The following AAK1 variants were observed in gnomAD, a reference collection of about 807,000 sequenced individuals.
The protein encoded by AAK1 is AP2 associated kinase 1.
AAK1 carries 37 observed loss-of-function variants against 116.0 expected under a neutral mutation model. The observed-to-expected ratio is 0.32, with a 90% CI of 0.25 to 0.42. The LOEUF (loss-of-function observed/expected upper bound fraction) is 0.42, where lower values mean the gene tolerates loss of function less well. AAK1 is among the 10% of genes least tolerant of loss of function. The pLI is 1.00. For missense variants in AAK1, 919 were observed against 1,170.6 expected (o/e 0.79, Z 3.14); for synonymous variants, 458 against 439.9 (o/e 1.04, Z -0.51).
chr2:69,604,145 C>T (rs1673696912), intron 2 of AAK1, among the ~76,000 whole-genome samples: 1 of 152,204 alleles, frequency 6.6e-6, no homozygotes, highest in East Asian at 1.9e-4. Context: ...TTCATAGAAA[C>T]AAAAGCTGCC....
intron 16 of AAK1, among the ~76,000 whole-genome samples, chr2:69,497,295 CTTTT>C (rs1176401016): frequency 3.9e-5 from 3 of 76,082 alleles, no homozygotes; most frequent in Admixed American, 3.8e-4. Context: ...CATTATCATT[CTTTT>C]TTTTTTTTTT....
intron 12 of AAK1, among the ~76,000 whole-genome samples, chr2:69,518,652 C>T (rs1019317707): frequency 7.9e-5 from 12 of 151,940 alleles, no homozygotes; most frequent in Non-Finnish European, 1.6e-4. Flanking sequence ...CTCTTGACCT[C>T]GTGATCCACC....
At chr2:69,598,254 C>A in intron 2 of AAK1, 2 of 430,806 alleles carry the variant, frequency 4.6e-6, no homozygotes, top group Non-Finnish European at 4.0e-6. Flanking sequence ...AGAAGTTTTT[C>A]ACAGGTTATC....
At chr2:69,642,834 T>C in intron 2 of AAK1, 44 bp downstream of exon 2, 1 of 1,612,242 alleles carries the variant, frequency 6.2e-7, no homozygotes, top group Non-Finnish European at 8.5e-7. Flanking sequence ...TATTGCCGCA[T>C]CAGCACAAGA....
In AAK1 at chr2:69,470,751, G is replaced by T. The variant is rs555860913; in HGVS notation, c.*5118C>A. On this transcript the variant is annotated 3_prime_UTR_variant, in exon 22 of 22. Transcript: ENST00000409085. ...TAAAACAGGGGTTTTACTCTCTCAG[G>T]TAGCCATGATTCATTAATATGTCCT... 1.0e-3 allele frequency: 1,007 copies of T among 985,672 alleles called. 1 individual carries two copies. Among genetic ancestry groups the T allele is most frequent in the Non-Finnish European group, 1.2e-3 (965 of 829,928 alleles). The allele number at this position is 985,672 out of a possible 1,614,324, so 61.1% of individuals were successfully genotyped here. A position where few individuals can be genotyped will look rare whatever the true frequency, so the allele number is the denominator to read the frequency against.
chr2:69,604,856 T>G (rs1252837733), intron 2 of AAK1, among the ~76,000 whole-genome samples: 1 of 152,124 alleles, frequency 6.6e-6, no homozygotes, highest in Non-Finnish European at 1.5e-5. Context: ...GCCAAAACCT[T>G]TCTCCTTCTA....
intron 2 of AAK1, among the ~76,000 whole-genome samples, chr2:69,642,485 T>G (rs1559027636): frequency 2.0e-5 from 3 of 151,996 alleles, no homozygotes; most frequent in African/African-American, 7.3e-5. Context: ...ACCCCTCTCT[T>G]CTTAAAAGTC....
At chr2:69,596,611 A>G (rs1673300804) in intron 2 of AAK1, among the ~76,000 whole-genome samples, 1 of 152,230 alleles carries the variant, frequency 6.6e-6, no homozygotes, top group East Asian at 1.9e-4. Flanking sequence ...GGACCTGGGC[A>G]AAGTAAATTT....
intron 8 of AAK1, among the ~76,000 whole-genome samples, chr2:69,528,311 A>C (rs1028238810): frequency 1.3e-5 from 2 of 152,332 alleles, no homozygotes; most frequent in South Asian, 4.1e-4. Flanking sequence ...AAGCCGCTAG[A>C]GTTTCCTAAT....
At chr2:69,591,422 G>C (rs552689576) in intron 2 of AAK1, among the ~76,000 whole-genome samples, 342 of 152,108 alleles carry the variant, frequency 2.2e-3, no homozygotes, top group Non-Finnish European at 3.5e-3. Flanking sequence ...ATAAGACTAT[G>C]TTGCAGGATG....
chr2:69,610,810 C>T (rs1021275617), intron 2 of AAK1, among the ~76,000 whole-genome samples: 1 of 152,056 alleles, frequency 6.6e-6, no homozygotes, highest in East Asian at 1.9e-4. Flanking sequence ...CAAACAACAA[C>T]GTGATTATCA....
At position 69,470,460 on chromosome 2, in the gene AAK1, T is replaced by C. The variant is rs1486438663; in HGVS notation, c.*5409A>G. On this transcript the variant is annotated 3_prime_UTR_variant, in exon 22 of 22. Transcript: ENST00000409085. ...TTCCACCATATATTAGGTAGCTGCA[T>C]TAAAACCCACGACTGGGAAATGAGG... The C allele has an allele frequency of 3.0e-6, 3 of 985,304 alleles. No individual in the cohort carries two copies. In the African/African-American group the frequency reaches 5.2e-5, roughly 17 times the overall value. The allele number at this position is 985,304 out of a possible 1,614,324, so 61.0% of individuals were successfully genotyped here.
At chr2:69,501,461 G>C (rs571307108) in intron 16 of AAK1, among the ~76,000 whole-genome samples, 7 of 151,944 alleles carry the variant, frequency 4.6e-5, no homozygotes, top group Non-Finnish European at 8.8e-5. Flanking sequence ...AGGTTGAAGC[G>C]AGGCAACTGG....
chr2:69,608,136 T>C (rs1318794711), intron 2 of AAK1, among the ~76,000 whole-genome samples: 1 of 152,114 alleles, frequency 6.6e-6, no homozygotes, highest in East Asian at 1.9e-4. Flanking sequence ...TGGCAATAAA[T>C]GCAGGCAGCA....
chr2:69,530,047 C>T lies in AAK1; in HGVS notation c.832G>A (p.Asp278Asn). Residue 278 changes from aspartate (D) to asparagine (N), a missense_variant, in exon 8 of 22, where the codon GAT (aspartate) becomes AAT (asparagine). Asp to Asn is a conservative substitution (Grantham distance 23). Transcript: ENST00000409085. ...AICDGNFTIP[D>N]NSRYSQDMHC... ...ATGTCTTGAGAATATCGAGAATTAT[C>T]AGGAATTGTGAAGTTTCCATCACAA... 6.2e-7 allele frequency: 1 copy of T among 1,605,808 alleles called. No homozygotes were observed. Among genetic ancestry groups the T allele is most frequent in the Non-Finnish European group, 8.5e-7 (1 of 1,175,976 alleles).
At position 69,519,128 on chromosome 2, in the gene AAK1, A is replaced by C; in HGVS notation, c.1323T>G (p.Thr441=). ...CCTGAGTAGAAGGCGTCTGCTGTGG[A>C]GTGGGAGGAGCCTGTGGCTGCTTGG... The part of the protein sequence containing the change: ...TQAKQPQAPP[T]PQQTPSTQAQ... Residue 441 remains threonine (T), a synonymous_variant, in exon 12 of 22, where the codon ACT becomes ACG. Transcript: ENST00000409085. 1.3e-6 allele frequency: 2 copies of C among 1,562,688 alleles called. No homozygotes were observed.
chr2:69,630,927 T>C lies in AAK1; in HGVS notation c.163+11951A>G, dbSNP rs1014629674. Among the ~76,000 whole-genome samples the C allele has an allele frequency of 3.9e-5, 6 of 152,284 alleles. No homozygotes were observed. The East Asian group carries it at 1.2e-3, about 29-fold the overall frequency. ...GCCCCCTTCCCCTCCAATACCAAGA[T>C]TCCAAGGCTTCTAAAAACAGCAGAG... On this transcript the variant is annotated intron_variant, in intron 2 of 21. Coordinates refer to ENST00000409085, the MANE Select transcript of AAK1 (RefSeq NM_014911.5).
At chr2:69,611,032 T>A (rs1225712576) in intron 2 of AAK1, among the ~76,000 whole-genome samples, 1 of 152,162 alleles carries the variant, frequency 6.6e-6, no homozygotes, top group Non-Finnish European at 1.5e-5. Flanking sequence ...ATATACCTGT[T>A]ATGGCTAATA....
chr2:69,458,985 G>T lies in AAK1; in HGVS notation c.*16884C>A, dbSNP rs1395502757. 6.6e-6 allele frequency: 1 copy of T among 152,168 alleles called. No individual in the cohort carries two copies. Among genetic ancestry groups the T allele is most frequent in the African/African-American group, 2.4e-5 (1 of 41,438 alleles). 9.4% of individuals were successfully genotyped at this position (152,168 alleles called of 1,614,324 possible). A position where few individuals can be genotyped will look rare whatever the true frequency, so the allele number is the denominator to read the frequency against. ...GATTTCAAGAACATTGTCAAAACTG[G>T]GGTACACATCCTTCTATTAGAAATG... is the stretch of plus-strand genomic sequence containing the variant. On this transcript the variant is annotated 3_prime_UTR_variant, in exon 22 of 22. Coordinates refer to ENST00000409085, the MANE Select transcript of AAK1 (RefSeq NM_014911.5).
Sources: allele counts gnomAD v4.1 joint callset (sites outside exome capture counted in the v4.1 genomes callset), GRCh38; gene constraint gnomAD v4.1.1; transcripts MANE v1.5; gene names NCBI Gene and HGNC (gene_info 2026-07-23, HGNC 2026-07-21).